ADAM23: variants seen among roughly 807,000 people sequenced by gnomAD.
ADAM23 encodes ADAM metallopeptidase domain 23.
A neutral mutation model predicts 120.1 loss-of-function variants in ADAM23; 33 were observed. The observed-to-expected ratio is 0.27, with a 90% CI of 0.21 to 0.37. ADAM23 has a LOEUF of 0.37. Ranked by LOEUF, ADAM23 falls within the 10% of genes least tolerant of loss-of-function variation. The pLI is 1.00. For synonymous variants in ADAM23, 367 were observed against 375.2 expected (o/e 0.98, Z 0.25); for missense variants, 862 against 1,058.2 (o/e 0.81, Z 2.57).
intron 25 of ADAM23, among the ~76,000 whole-genome samples, chr2:206,615,713 C>T (rs1222609418): frequency 6.6e-6 from 1 of 152,208 alleles, no homozygotes; most frequent in Non-Finnish European, 1.5e-5. Context: ...CTCTGTCTGG[C>T]CTGGGAACCC....
chr2:206,451,737 G>C (rs995944211), intron 2 of ADAM23, among the ~76,000 whole-genome samples: 2 of 152,202 alleles, frequency 1.3e-5, no homozygotes, highest in Non-Finnish European at 2.9e-5. Flanking sequence ...AAGAGAGGTA[G>C]GGTGTATTGG....
intron 18 of ADAM23, among the ~76,000 whole-genome samples, chr2:206,573,526 G>C (rs1046977658): frequency 3.9e-5 from 6 of 152,068 alleles, no homozygotes; most frequent in Non-Finnish European, 8.8e-5. Flanking sequence ...TGGACAATCA[G>C]TGGTTGTTTG....
At chr2:206,547,036 C>T (rs566535274) in intron 6 of ADAM23, among the ~76,000 whole-genome samples, 3 of 151,858 alleles carry the variant, frequency 2.0e-5, no homozygotes, top group East Asian at 1.9e-4. Context: ...CTATGGATAT[C>T]GTAATTTTTA....
intron 2 of ADAM23, among the ~76,000 whole-genome samples, chr2:206,454,658 A>G (rs1695259543): frequency 6.6e-6 from 1 of 152,238 alleles, no homozygotes; most frequent in Non-Finnish European, 1.5e-5. Context: ...CAAGTTAGTT[A>G]CTTCCAAGAT....
At chr2:206,495,295 T>G (rs1398192754) in intron 3 of ADAM23, among the ~76,000 whole-genome samples, 3 of 151,280 alleles carry the variant, frequency 2.0e-5, no homozygotes, top group Non-Finnish European at 4.4e-5. Context: ...GACTAACAGC[T>G]GATCTCTCGG....
At chr2:206,494,344 G>T (rs1234620834) in intron 3 of ADAM23, among the ~76,000 whole-genome samples, 1 of 152,132 alleles carries the variant, frequency 6.6e-6, no homozygotes, top group Non-Finnish European at 1.5e-5. Flanking sequence ...GCTAATACTT[G>T]ACCCTAAAAA....
At chr2:206,480,616 A>T (rs1323382023) in intron 2 of ADAM23, among the ~76,000 whole-genome samples, 1 of 152,134 alleles carries the variant, frequency 6.6e-6, no homozygotes, top group African/African-American at 2.4e-5. Context: ...TCATGTTTAG[A>T]TGGAATTATC....
At chr2:206,599,068 G>C (rs1316602670) in intron 24 of ADAM23, among the ~76,000 whole-genome samples, 1 of 151,740 alleles carries the variant, frequency 6.6e-6, no homozygotes, top group Admixed American at 6.6e-5. Flanking sequence ...AGCCGGGCAT[G>C]GTGGTGCGTG....
At chr2:206,506,481 G>C (rs2105897007) in intron 3 of ADAM23, among the ~76,000 whole-genome samples, 1 of 152,330 alleles carries the variant, frequency 6.6e-6, no homozygotes, top group East Asian at 1.9e-4. Flanking sequence ...CTAGGCAGAA[G>C]AAAACTTCAG....
At chr2:206,499,096 C>A (rs973723509) in intron 3 of ADAM23, among the ~76,000 whole-genome samples, 1 of 151,960 alleles carries the variant, frequency 6.6e-6, no homozygotes, top group African/African-American at 2.4e-5. Flanking sequence ...GATGATTCCT[C>A]AGGGATCTAG....
At chr2:206,554,904 T>G (rs1031738531) in intron 9 of ADAM23, among the ~76,000 whole-genome samples, 2 of 152,162 alleles carry the variant, frequency 1.3e-5, no homozygotes, top group East Asian at 3.8e-4. Context: ...ACACAGTTGA[T>G]TACCCTCTTT....
At chr2:206,538,677 T>A (rs1451852239) in intron 4 of ADAM23, among the ~76,000 whole-genome samples, 2 of 152,250 alleles carry the variant, frequency 1.3e-5, no homozygotes, top group South Asian at 4.1e-4. Context: ...AGACACAAAG[T>A]TGGGGTGCTT....
chr2:206,562,353 C>G lies in ADAM23; in HGVS notation c.1345+60C>G. The G allele has an allele frequency of 3.4e-6, 4 of 1,170,196 alleles. No individual in the cohort carries two copies. The South Asian group carries it at 4.1e-5, about 12-fold the overall frequency. The allele number at this position is 1,170,196 out of a possible 1,614,324, so 72.5% of individuals were successfully genotyped here. A position where few individuals can be genotyped will look rare whatever the true frequency, so the allele number is the denominator to read the frequency against. On this transcript the variant is annotated intron_variant, in intron 13 of 25. Coordinates refer to ENST00000264377, the MANE Select transcript of ADAM23 (RefSeq NM_003812.4). ...GCCATTCTGTCTGTATAATGCATGT[C>G]CAGTCAATAAATAAATATTTTTCAT... is the stretch of plus-strand genomic sequence containing the variant.
At position 206,550,757 on chromosome 2, in the gene ADAM23, A is replaced by T. The variant is rs1034510280; in HGVS notation, c.933+597A>T. Among the ~76,000 whole-genome samples the T allele has an allele frequency of 4.6e-5, 7 of 152,016 alleles. No homozygotes were observed. In the East Asian group the frequency reaches 1.4e-3, roughly 29 times the overall value. On this transcript the variant is annotated intron_variant, in intron 9 of 25. Coordinates refer to ENST00000264377, the MANE Select transcript of ADAM23 (RefSeq NM_003812.4). ...GCTGGGACTACAGGCGCCCGCCACT[A>T]CGCCCGGCTAATTTTTTGTATTTTT...
intron 2 of ADAM23, among the ~76,000 whole-genome samples, chr2:206,464,057 AT>A (rs2105862212): frequency 6.6e-6 from 1 of 152,278 alleles, no homozygotes; most frequent in South Asian, 2.1e-4. Flanking sequence ...TTCTGTTATT[AT>A]TTTTTGAAGG....
intron 9 of ADAM23, among the ~76,000 whole-genome samples, chr2:206,552,032 T>G (rs1239030444): frequency 6.6e-6 from 1 of 152,204 alleles, no homozygotes; most frequent in Non-Finnish European, 1.5e-5. Context: ...GATAGTTTTT[T>G]TATCTGAATT....
intron 25 of ADAM23, among the ~76,000 whole-genome samples, chr2:206,616,393 C>G (rs544282055): frequency 6.6e-6 from 1 of 152,296 alleles, no homozygotes; most frequent in African/African-American, 2.4e-5. Context: ...GCCAATGAGT[C>G]ACACACTTAG....
intron 24 of ADAM23, among the ~76,000 whole-genome samples, chr2:206,597,405 C>T (rs1370659867): frequency 2.0e-5 from 3 of 152,016 alleles, no homozygotes; most frequent in African/African-American, 7.2e-5. Context: ...GTCTTGAACT[C>T]ATGACCTCAT....
rs549264816 is a variant in ADAM23 at position 206,495,617 on chromosome 2, A to G, written c.509+14309A>G. Among the ~76,000 whole-genome samples the G allele has an allele frequency of 6.6e-5, 10 of 152,310 alleles. No homozygotes were observed. In the South Asian group the frequency reaches 2.1e-3, roughly 32 times the overall value. On this transcript the variant is annotated intron_variant, in intron 3 of 25. Coordinates refer to ENST00000264377, the MANE Select transcript of ADAM23 (RefSeq NM_003812.4). ...CTAATGAGCAAAATAACCAGCTAAC[A>G]TCATAATGACAGGATCAAATTCACA...
Sources: gnomAD v4.1 joint callset for allele counts (sites outside exome capture counted in the v4.1 genomes callset) on GRCh38, gnomAD v4.1.1 for gene constraint, MANE v1.5 for transcripts, NCBI Gene and HGNC (gene_info 2026-07-23, HGNC 2026-07-21) for gene names.